The following DNAH3 variants were observed in gnomAD, a reference collection of about 807,000 sequenced individuals.
The protein encoded by DNAH3 is axonemal beta dynein heavy chain 3.
DNAH3 carries 332 observed loss-of-function variants against 432.5 expected under a neutral mutation model. The observed-to-expected ratio is 0.77, with a 90% CI of 0.70 to 0.84. The LOEUF is 0.84. DNAH3 is among the 40% of genes least tolerant of loss of function. The pLI is 0.00. For synonymous variants in DNAH3, 1,956 were observed against 1,900.2 expected, an observed-to-expected ratio of 1.03 and a Z score of -0.76; for missense variants, 4,861 against 5,114.0, an observed-to-expected ratio of 0.95 and a Z score of 1.51.
At chr16:21,097,618 G>A in intron 17 of DNAH3, 119 bp from the exon 18 acceptor site, 1 of 1,247,700 alleles carries the variant, frequency 8.0e-7, no homozygotes. Context: ...TTATTCATCT[G>A]GAGAGTAAGA....
At chr16:21,028,575 T>G (rs1461680747) in intron 37 of DNAH3, among the ~76,000 whole-genome samples, 1 of 150,574 alleles carries the variant, frequency 6.6e-6, no homozygotes, top group African/African-American at 2.4e-5. Flanking sequence ...GGCAGGAGAA[T>G]TGCGGGAGGT....
At chr16:21,128,741 C>A (rs1442672881) in intron 7 of DNAH3, among the ~76,000 whole-genome samples, 3 of 151,130 alleles carry the variant, frequency 2.0e-5, no homozygotes, top group Non-Finnish European at 2.9e-5. Context: ...CACCTGTAAT[C>A]CCAGCTACTT....
intron 38 of DNAH3, among the ~76,000 whole-genome samples, chr16:21,025,836 C>G (rs144162456): frequency 0.037 from 5,630 of 151,894 alleles, 353 homozygotes; most frequent in African/African-American, 0.13. Flanking sequence ...TGGGTTCAAG[C>G]AATTCTCCTG....
chr16:21,034,258 A>G (rs1224310280), intron 35 of DNAH3, among the ~76,000 whole-genome samples, 173 bp from the exon 36 acceptor site: 1 of 152,226 alleles, frequency 6.6e-6, no homozygotes, highest in East Asian at 1.9e-4. Flanking sequence ...CTTTCAGACG[A>G]AAAAATATAT....
exon 53 of DNAH3, chr16:20,963,817 C>A (rs988105451): frequency 1.1e-5 from 17 of 1,613,916 alleles, no homozygotes; most frequent in Non-Finnish European, 1.4e-5. Context: ...GTTGTAGATG[C>A]TCAGGGTGAA....
At chr16:21,135,326 A>C (rs2092627496) in intron 6 of DNAH3, among the ~76,000 whole-genome samples, 1 of 152,222 alleles carries the variant, frequency 6.6e-6, no homozygotes, top group Non-Finnish European at 1.5e-5. Context: ...TTTAAAGACC[A>C]AATGTTTTCC....
intron 1 of DNAH3, among the ~76,000 whole-genome samples, chr16:21,153,577 T>A (rs1407749411): frequency 1.3e-5 from 2 of 152,162 alleles, no homozygotes; most frequent in Admixed American, 6.5e-5. Context: ...TTCTACAACG[T>A]GGAAGGTTTG....
intron 44 of DNAH3, among the ~76,000 whole-genome samples, chr16:20,991,574 T>G (rs768764315): frequency 6.6e-6 from 1 of 152,194 alleles, no homozygotes; most frequent in Admixed American, 6.5e-5. Context: ...TCATATGTAT[T>G]TCTTAAGGTC....
chr16:21,109,947 T>C lies in DNAH3; in HGVS notation c.2099+1679A>G, dbSNP rs77636054. ...TTTGTAGAGATGGTATCTTCCCATG[T>C]TGCCCAGGCTGGTCTTGAACTCCTG... On this transcript the variant is annotated intron_variant, in intron 14 of 61. Coordinates refer to ENST00000261383, the Ensembl canonical transcript of DNAH3. Among the ~76,000 whole-genome samples, 1,328 of 152,162 alleles carry C rather than the reference T, an allele frequency of 8.7e-3. 11 individuals are homozygous for C. The highest frequency in any genetic ancestry group is 0.014 in the Non-Finnish European group (922 of 67,978).
intron 4 of DNAH3, 81 bp downstream of exon 5, chr16:21,141,219 C>A: frequency 2.2e-6 from 2 of 915,824 alleles, no homozygotes; most frequent in Admixed American, 2.5e-5. Context: ...AGCCAAGAAG[C>A]AGAGTGTGGC....
intron 18 of DNAH3, among the ~76,000 whole-genome samples, chr16:21,095,232 TA>T (rs1453224187): frequency 6.6e-6 from 1 of 152,166 alleles, no homozygotes; most frequent in Non-Finnish European, 1.5e-5. Context: ...CCTAGAGAAA[TA>T]AAAACTTACA....
intron 21 of DNAH3, among the ~76,000 whole-genome samples, chr16:21,073,302 C>T (rs2090859751): frequency 6.6e-6 from 1 of 152,192 alleles, no homozygotes; most frequent in African/African-American, 2.4e-5. Context: ...TAGGCAAAAA[C>T]TCTGCAGATT....
At chr16:21,150,991 G>A (rs978717448) in intron 1 of DNAH3, among the ~76,000 whole-genome samples, 145 bp from the exon 1 acceptor site, 4 of 152,178 alleles carry the variant, frequency 2.6e-5, no homozygotes, top group Non-Finnish European at 5.9e-5. Context: ...GTGACAGAAG[G>A]GAACATGGGA....
At chr16:21,121,442 A>G (rs1035224725) in intron 10 of DNAH3, among the ~76,000 whole-genome samples, 7 of 152,210 alleles carry the variant, frequency 4.6e-5, no homozygotes, top group Non-Finnish European at 1.0e-4. Flanking sequence ...TGAAACTTCA[A>G]ACTGAAATTG....
At chr16:21,149,746 A>C (rs902000272) in intron 1 of DNAH3, among the ~76,000 whole-genome samples, 6 of 152,196 alleles carry the variant, frequency 3.9e-5, no homozygotes, top group African/African-American at 1.2e-4. Flanking sequence ...AAGGGAAGGA[A>C]AGGGAAGAAC....
chr16:20,969,251 T>C (rs2085213356), intron 52 of DNAH3, among the ~76,000 whole-genome samples: 1 of 151,746 alleles, frequency 6.6e-6, no homozygotes, highest in Admixed American at 6.6e-5. Context: ...TGTGCATGTA[T>C]GTCTATATGT....
At chr16:21,078,536 T>C (rs896706016) in intron 20 of DNAH3, among the ~76,000 whole-genome samples, 1 of 152,150 alleles carries the variant, frequency 6.6e-6, no homozygotes, top group Non-Finnish European at 1.5e-5. Flanking sequence ...CAGATTAGTA[T>C]GAGACAAAGA....
At chr16:20,970,079 A>C in intron 51 of DNAH3, 89 bp from the exon 52 acceptor site, 1 of 1,246,298 alleles carries the variant, frequency 8.0e-7, no homozygotes, top group South Asian at 1.2e-5. Context: ...ATGAGGAAGA[A>C]GGAAGAGGTG....
intron 43 of DNAH3, among the ~76,000 whole-genome samples, chr16:20,998,719 G>A (rs1261526021): frequency 6.9e-6 from 1 of 144,958 alleles, no homozygotes; most frequent in East Asian, 2.1e-4. Flanking sequence ...TCCAGCCTGG[G>A]GGACAAAGCA....
Sources: gnomAD v4.1 joint callset for allele counts (sites outside exome capture counted in the v4.1 genomes callset) on GRCh38, gnomAD v4.1.1 for gene constraint, MANE v1.5 for transcripts, NCBI Gene and HGNC (gene_info 2026-07-23, HGNC 2026-07-21) for gene names.